Variants in SLC9A3 observed in about 807,000 individuals in gnomAD.
SLC9A3 encodes the protein sodium/hydrogen exchanger 3.
A neutral mutation model predicts 86.8 loss-of-function variants in SLC9A3; 37 were observed. The ratio of observed to expected loss-of-function variants is 0.43; its 90% CI spans 0.33 to 0.56. The LOEUF is 0.56. Among genes scored for constraint, SLC9A3 ranks in the 20% least tolerant of loss-of-function variants. The pLI, the probability that SLC9A3 is intolerant of heterozygous loss-of-function variation, is 0.06. For synonymous variants in SLC9A3, 581 were observed against 528.3 expected, an observed-to-expected ratio of 1.10 and a Z score of -1.37; for missense variants, 1,011 against 1,171.9, an observed-to-expected ratio of 0.86 and a Z score of 2.00.
At position 473,027 on chromosome 5, in the gene SLC9A3, C is replaced by G. The variant is rs1310527006; in HGVS notation, c.*352G>C. 2.4e-6 allele frequency: 1 copy of G among 421,856 alleles called. No homozygotes were observed. The highest frequency in any genetic ancestry group is 4.2e-6 in the Non-Finnish European group (1 of 236,706). The allele number at this position is 421,856 out of a possible 1,614,324, so 26.1% of individuals were successfully genotyped here. On this transcript the variant is annotated 3_prime_UTR_variant, in exon 17 of 17. Coordinates refer to ENST00000264938, the MANE Select transcript of SLC9A3 (RefSeq NM_004174.4). ...GTGCGTGGCACGAGGGCGGCAGCGA[C>G]GCCAGCTTCAGCAGCGCGGGGCGGC... is the stretch of plus-strand genomic sequence containing the variant.
intron 1 of SLC9A3, among the ~76,000 whole-genome samples, 180 bp from the exon 2 acceptor site, chr5:492,251 G>A (rs1378847941): frequency 3.3e-5 from 2 of 60,232 alleles, no homozygotes; most frequent in East Asian, 4.0e-4. Context: ...GGAAGGTGTG[G>A]GGACTCACAG....
intron 1 of SLC9A3, among the ~76,000 whole-genome samples, chr5:501,869 C>T (rs568872553): frequency 1.2e-4 from 19 of 152,206 alleles, no homozygotes; most frequent in Admixed American, 4.6e-4. Flanking sequence ...TGCAGTTCCC[C>T]GTGAGTACTC....
chr5:497,132 CAG>C lies in SLC9A3; in HGVS notation c.212-5063_212-5062del, dbSNP rs1226911023. On this transcript the variant is annotated intron_variant, in intron 1 of 16. Coordinates refer to ENST00000264938, the MANE Select transcript of SLC9A3 (RefSeq NM_004174.4). This position sits in a 1 kb window ranked among gnomAD's most constrained non-coding sequence, Gnocchi z 5.4. ...GCAACTCAGAAGGCCCTGCTAGCCTCAGAGAGACAGTCTTTCCACACAGATGT... is the reference window on the plus strand; with the variant it reads ...GCAACTCAGAAGGCCCTGCTAGCCTCAGAGACAGTCTTTCCACACAGATGT... Among the ~76,000 whole-genome samples the C allele has an allele frequency of 4.6e-5, 7 of 152,292 alleles. No individual in the cohort carries two copies. Among genetic ancestry groups the C allele is most frequent in the Non-Finnish European group, 8.8e-5 (6 of 68,010 alleles).
At chr5:501,662 C>A (rs557939856) in intron 1 of SLC9A3, among the ~76,000 whole-genome samples, 3 of 152,234 alleles carry the variant, frequency 2.0e-5, no homozygotes, top group Non-Finnish European at 1.5e-5. Flanking sequence ...TCTCTGCCAC[C>A]CGCCCCTGCA....
Position 497,813 on chromosome 5 carries a change from C to T in SLC9A3, c.212-5742G>A, listed in dbSNP as rs1228615865. On this transcript the variant is annotated intron_variant, in intron 1 of 16. Coordinates refer to ENST00000264938, the MANE Select transcript of SLC9A3 (RefSeq NM_004174.4). The surrounding 1 kb of genome is among the most constrained non-coding windows in gnomAD (Gnocchi z 5.4). ...CCTCTGCCCCTGTCCCGGGTGGGGT[C>T]GCCCGGCCGCATCCCCAGCCTCTGC... 4.9e-5 allele frequency among the ~76,000 whole-genome samples: 2 copies of T among 40,844 alleles called. No individual in the cohort carries two copies. Among genetic ancestry groups the T allele is most frequent in the African/African-American group, 1.8e-4 (2 of 11,052 alleles). 26.8% of individuals were successfully genotyped at this position (40,844 alleles called of 152,430 possible).
intron 6 of SLC9A3, among the ~76,000 whole-genome samples, chr5:482,996 G>A (rs1224353248): frequency 4.6e-5 from 7 of 151,878 alleles, no homozygotes; most frequent in Non-Finnish European, 8.8e-5. Context: ...GGGCGGGGGC[G>A]GGGCTGTCTT....
At position 476,148 on chromosome 5, in the gene SLC9A3, CTG is replaced by C. The variant is rs1484702541; in HGVS notation, c.2067+52_2067+53del. The C allele has an allele frequency of 1.1e-5, 17 of 1,611,918 alleles. No individual in the cohort carries two copies. In the East Asian group the frequency reaches 1.6e-4, roughly 15 times the overall value. On this transcript the variant is annotated intron_variant, in intron 13 of 16. Coordinates refer to ENST00000264938, the MANE Select transcript of SLC9A3 (RefSeq NM_004174.4). Reference sequence around the variant, plus strand: ...CCGACACAGCCACACCCAGCCCTGACTGCCCCCGCTCCAGGCCCCAGCCCCGC... The same window carrying C: ...CCGACACAGCCACACCCAGCCCTGACCCCCCGCTCCAGGCCCCAGCCCCGC...
chr5:510,407 G>A (rs1740825673), intron 1 of SLC9A3, among the ~76,000 whole-genome samples: 4 of 152,238 alleles, frequency 2.6e-5, no homozygotes, highest in South Asian at 2.1e-4. Flanking sequence ...GCACAGTCAG[G>A]CTCTCTCTGA....
At chr5:516,348 G>T (rs1018728697) in intron 1 of SLC9A3, among the ~76,000 whole-genome samples, 1 of 152,078 alleles carries the variant, frequency 6.6e-6, no homozygotes, top group Admixed American at 6.5e-5. Context: ...TGCCCAGAGC[G>T]CTGGCTGCTG....
rs1738360868 is a variant in SLC9A3 at position 471,589 on chromosome 5, AGGGCTG to A, written c.*1784_*1789del. On this transcript the variant is annotated 3_prime_UTR_variant, in exon 17 of 17. Coordinates refer to ENST00000264938, the MANE Select transcript of SLC9A3 (RefSeq NM_004174.4). ...AGGACGGTGGCTGCAGCAGGGAACCAGGGCTGGCCTTGGATCTGTCCAGTAGGGTCA... is the reference window on the plus strand; with the variant it reads ...AGGACGGTGGCTGCAGCAGGGAACCAGCCTTGGATCTGTCCAGTAGGGTCA... 2.8e-6 allele frequency: 1 copy of A among 358,500 alleles called. No individual in the cohort carries two copies. Among genetic ancestry groups the A allele is most frequent in the East Asian group, 7.3e-5 (1 of 13,734 alleles). The allele number at this position is 358,500 out of a possible 1,614,324, so 22.2% of individuals were successfully genotyped here.
chr5:504,641 A>G lies in SLC9A3; in HGVS notation c.212-12570T>C, dbSNP rs1165121873. 4.6e-5 allele frequency among the ~76,000 whole-genome samples: 7 copies of G among 152,122 alleles called. No homozygotes were observed. The East Asian group carries it at 1.4e-3, about 29-fold the overall frequency. ...GGGCTCGGGGTGGGGACAGCAGACA[A>G]ACCCTCAGCTGCTGGGCAGTGCCTC... On this transcript the variant is annotated intron_variant, in intron 1 of 16. Transcript: ENST00000264938.
intron 1 of SLC9A3, among the ~76,000 whole-genome samples, chr5:493,107 T>A (rs898608391): frequency 7.7e-6 from 1 of 129,408 alleles, no homozygotes; most frequent in Non-Finnish European, 1.8e-5. Context: ...TGTGTTTTAG[T>A]TGGACTCAGA....
At chr5:485,363 A>C (rs944366096) in intron 3 of SLC9A3, 132 bp from the exon 4 acceptor site, 2 of 726,842 alleles carry the variant, frequency 2.8e-6, no homozygotes, top group African/African-American at 3.5e-5. Flanking sequence ...GAAAATCATC[A>C]CAGGGCAATG....
chr5:488,406 G>A lies in SLC9A3; in HGVS notation c.585C>T (p.Ala195=), dbSNP rs369044919. The A allele has an allele frequency of 4.4e-5, 70 of 1,608,684 alleles. No homozygotes were observed. Among genetic ancestry groups the A allele is most frequent in the Admixed American group, 8.4e-5 (5 of 59,688 alleles). ...GGACCTCCTCAAACACGGCCAGGAC[G>A]GCCACCGGGTCCACAGCCGCCATGA... ...GSLMAAVDPV[A]VLAVFEEVHV... is the part of the protein sequence containing the mutation. Residue 195 remains alanine, a synonymous_variant, in exon 3 of 17, where the codon GCC becomes GCT. Transcript: ENST00000264938.
Position 472,109 on chromosome 5 carries a change from G to A in SLC9A3, c.*1270C>T. The A allele has an allele frequency of 2.4e-6, 1 of 414,076 alleles. No homozygotes were observed. Among genetic ancestry groups the A allele is most frequent in the South Asian group, 1.7e-5 (1 of 57,380 alleles). 25.7% of individuals were successfully genotyped at this position (414,076 alleles called of 1,614,324 possible). ...GACCCTGTGGGACTTGCCGTCTGAGGGATGGATGGACTCCGAGCACCCTCC... is the reference window on the plus strand; with the variant it reads ...GACCCTGTGGGACTTGCCGTCTGAGAGATGGATGGACTCCGAGCACCCTCC... On this transcript the variant is annotated 3_prime_UTR_variant, in exon 17 of 17. Coordinates refer to ENST00000264938, the MANE Select transcript of SLC9A3 (RefSeq NM_004174.4).
chr5:490,604 G>A (rs751733552), intron 2 of SLC9A3, among the ~76,000 whole-genome samples: 17 of 152,220 alleles, frequency 1.1e-4, no homozygotes, highest in East Asian at 5.8e-4. Flanking sequence ...TCCCACACTC[G>A]ACACAGCTGG....
rs376704791 is a variant in SLC9A3 at position 492,016 on chromosome 5, G to A, written c.267C>T (p.Ile89=). The A allele has an allele frequency of 2.0e-5, 31 of 1,586,704 alleles. No homozygotes were observed. In the African/African-American group the frequency reaches 2.2e-4, roughly 11 times the overall value. ...TSVVPESALL[I]VLGLVLGGIV... ...TGCCGCCCAGCACCAGGCCCAGCAC[G>A]ATGAGCAGGGCGCTCTCGGGAACCA... Residue 89 remains isoleucine, a synonymous_variant, in exon 2 of 17, where the codon ATC becomes ATT. Coordinates refer to ENST00000264938, the MANE Select transcript of SLC9A3 (RefSeq NM_004174.4).
At chr5:483,618 C>G in intron 5 of SLC9A3, 136 bp from the exon 6 acceptor site, 1 of 688,228 alleles carries the variant, frequency 1.5e-6, no homozygotes, top group Non-Finnish European at 2.5e-6. Context: ...CTCTTCCTCC[C>G]GAGCCAGGCT....
chr5:473,164 G>GCCCCGCCCCCGGCGCAGT lies in SLC9A3; in HGVS notation c.*214_*215insACTGCGCCGGGGGCGGGG. ...CGCTCCGGCCCCGCCCCCGGCGCAG[G>GCCCCGCCCCCGGCGCAGT]CCCCGCCCCCGGCTCGCCCTCGGGC... On this transcript the variant is annotated 3_prime_UTR_variant, in exon 17 of 17. Transcript: ENST00000264938. The GCCCCGCCCCCGGCGCAGT allele has an allele frequency of 1.4e-5, 6 of 428,362 alleles. No individual in the cohort carries two copies. Among genetic ancestry groups the GCCCCGCCCCCGGCGCAGT allele is most frequent in the Non-Finnish European group, 2.2e-5 (6 of 272,280 alleles). The allele number at this position is 428,362 out of a possible 1,614,324, so 26.5% of individuals were successfully genotyped here. A position where few individuals can be genotyped will look rare whatever the true frequency, so the allele number is the denominator to read the frequency against.
Sources: allele counts gnomAD v4.1 joint callset (sites outside exome capture counted in the v4.1 genomes callset), GRCh38; gene constraint gnomAD v4.1.1; non-coding constraint Gnocchi (gnomAD v3.1); transcripts MANE v1.5; gene names NCBI Gene and HGNC (gene_info 2026-07-23, HGNC 2026-07-21).